Variants in ASTN1 observed in about 807,000 individuals in gnomAD.
ASTN1 encodes astrotactin-1.
ASTN1 carries 41 observed loss-of-function variants against 140.7 expected under a neutral mutation model. The observed-to-expected ratio is 0.29, with a 90% CI of 0.23 to 0.38. ASTN1 has a LOEUF of 0.38. Ranked by LOEUF, ASTN1 falls within the 10% of genes least tolerant of loss-of-function variation. The probability of loss-of-function intolerance (pLI) is 1.00; values close to 1 mark genes in which losing one functional copy is unlikely to be tolerated. For missense variants in ASTN1, 1,479 were observed against 1,678.8 expected, an observed-to-expected ratio of 0.88 and a Z score of 2.08; for synonymous variants, 640 against 652.2, an observed-to-expected ratio of 0.98 and a Z score of 0.29.
intron 1 of ASTN1, among the ~76,000 whole-genome samples, chr1:177,109,337 T>A (rs1361574499): frequency 6.6e-6 from 1 of 152,152 alleles, no homozygotes. Context: ...ATCATTGATG[T>A]TACATTTGTG....
rs147608948 is a variant in ASTN1 at position 176,882,886 on chromosome 1, C to T, written c.3335G>A (p.Arg1112Gln). The T allele has an allele frequency of 6.2e-6, 10 of 1,613,936 alleles. No individual in the cohort carries two copies. The highest frequency in any genetic ancestry group is 1.6e-4 in the Middle Eastern group (1 of 6,084). The part of the protein sequence containing the change: ...KQLTTISLII[R>Q]CLEPDTIYMF... The stretch of plus-strand genomic sequence containing the variant: ...GTAAATGGTGTCAGGTTCCAGGCAT[C>T]GTATGATCAGAGAGATGGTGGTGAG... Residue 1112 changes from arginine to glutamine, a missense_variant, in exon 20 of 23, where the codon CGA (arginine) becomes CAA (glutamine). By Grantham distance (43) the Arg-to-Gln change is conservative. Transcript: ENST00000361833.
chr1:177,145,669 AGTCAGTCT>A (rs1368204215), intron 1 of ASTN1, among the ~76,000 whole-genome samples: 1 of 152,232 alleles, frequency 6.6e-6, no homozygotes, highest in Admixed American at 6.5e-5. Flanking sequence ...TCATTCACTC[AGTCAGTCT>A]GTCAGTCAGT....
At chr1:177,055,991 C>A (rs1330709599) in intron 2 of ASTN1, among the ~76,000 whole-genome samples, 1 of 152,168 alleles carries the variant, frequency 6.6e-6, no homozygotes. Context: ...TGGAACTGCT[C>A]CTCTCTACAT....
In ASTN1 at chr1:176,921,900, G is replaced by A. The variant is rs185201297; in HGVS notation, c.2671+12252C>T. Among the ~76,000 whole-genome samples the A allele has an allele frequency of 3.9e-5, 6 of 152,250 alleles. No homozygotes were observed. The East Asian group carries it at 1.2e-3, about 29-fold the overall frequency. ...GGGGAGACACTCTCTTAAACAATAT[G>A]CTATCATTTCTAGGAAAGGGAAGAA... On this transcript the variant is annotated intron_variant, in intron 16 of 22. Coordinates refer to ENST00000361833, the MANE Select transcript of ASTN1 (RefSeq NM_004319.3).
chr1:177,113,469 C>A (rs1035573710), intron 1 of ASTN1, among the ~76,000 whole-genome samples: 1 of 152,196 alleles, frequency 6.6e-6, no homozygotes, highest in African/African-American at 2.4e-5. Context: ...ATACTGTCAT[C>A]CCCTTGACCT....
intron 17 of ASTN1, among the ~76,000 whole-genome samples, chr1:176,892,776 C>T (rs966113777): frequency 6.6e-6 from 1 of 152,174 alleles, no homozygotes; most frequent in African/African-American, 2.4e-5. Context: ...TGATTTGGCA[C>T]TCCTCTACTC....
At chr1:177,117,931 T>C (rs1471406668) in intron 1 of ASTN1, among the ~76,000 whole-genome samples, 3 of 152,262 alleles carry the variant, frequency 2.0e-5, no homozygotes, top group Non-Finnish European at 2.9e-5. Flanking sequence ...TGCCTGTTTA[T>C]GACATGTTTA....
chr1:177,080,112 T>C (rs1440471232), intron 1 of ASTN1, among the ~76,000 whole-genome samples: 1 of 152,122 alleles, frequency 6.6e-6, no homozygotes, highest in African/African-American at 2.4e-5. Flanking sequence ...AGCAACAATG[T>C]CAATTTTCAC....
chr1:177,073,101 A>G (rs558534668), intron 1 of ASTN1, among the ~76,000 whole-genome samples: 4 of 152,192 alleles, frequency 2.6e-5, no homozygotes, highest in Admixed American at 6.5e-5. Context: ...ACACAAAGAC[A>G]GAAATTAGGG....
intron 2 of ASTN1, among the ~76,000 whole-genome samples, chr1:177,053,722 C>A (rs1221768192): frequency 6.6e-6 from 1 of 152,158 alleles, no homozygotes; most frequent in Non-Finnish European, 1.5e-5. Flanking sequence ...TATGAAGAAG[C>A]TAAGTTCATT....
chr1:176,970,445 A>G (rs931497806), intron 8 of ASTN1, among the ~76,000 whole-genome samples: 1 of 152,104 alleles, frequency 6.6e-6, no homozygotes, highest in Non-Finnish European at 1.5e-5. Context: ...CCAGCTTTCC[A>G]CCTAACTGTG....
intron 1 of ASTN1, among the ~76,000 whole-genome samples, chr1:177,077,093 T>C (rs533193441): frequency 6.6e-5 from 10 of 152,300 alleles, no homozygotes; most frequent in African/African-American, 2.4e-4. Context: ...ATTTGTCATA[T>C]TAATGATGGA....
At chr1:177,003,765 T>C (rs1269797461) in intron 8 of ASTN1, among the ~76,000 whole-genome samples, 1 of 151,304 alleles carries the variant, frequency 6.6e-6, no homozygotes. Context: ...TGAGCCAAGA[T>C]TGCCCCACTG....
chr1:176,930,052 G>A (rs1333216577), intron 16 of ASTN1, among the ~76,000 whole-genome samples: 13 of 152,170 alleles, frequency 8.5e-5, no homozygotes, highest in Admixed American at 8.5e-4. Context: ...GAATGGAGTG[G>A]AGTGGCAGGA....
chr1:176,872,416 T>C (rs376285383), intron 21 of ASTN1, among the ~76,000 whole-genome samples: 2 of 152,094 alleles, frequency 1.3e-5, no homozygotes, highest in African/African-American at 4.8e-5. Context: ...AAGTAAAATA[T>C]AGTGTGTTCA....
intron 7 of ASTN1, among the ~76,000 whole-genome samples, chr1:177,018,930 G>A (rs1003280348): frequency 2.0e-5 from 3 of 152,208 alleles, no homozygotes; most frequent in African/African-American, 7.2e-5. Context: ...AGGCACACCT[G>A]GGGTTACAAA....
At chr1:176,871,990 A>G (rs1668364682) in intron 21 of ASTN1, among the ~76,000 whole-genome samples, 1 of 152,148 alleles carries the variant, frequency 6.6e-6, no homozygotes, top group Non-Finnish European at 1.5e-5. Context: ...GAGATCTCTC[A>G]GGCAGCCGGG....
rs144034394 is a variant in ASTN1, at chr1:177,043,056, T to G, written c.472-10207A>C. On this transcript the variant is annotated intron_variant, in intron 2 of 22. Transcript: ENST00000361833. ...GCCAAGGAGGGTCACACTTGTCAGG[T>G]TGTCATTTTGACACAGGCAGCAAAA... Among the ~76,000 whole-genome samples, 245 of 152,338 alleles carry G rather than the reference T, an allele frequency of 1.6e-3. 2 individuals are homozygous for G. Among genetic ancestry groups the G allele is most frequent in the African/African-American group, 5.7e-3 (237 of 41,566 alleles).
chr1:177,032,935 C>G (rs1676523023), intron 2 of ASTN1, 86 bp from the exon 3 acceptor site: 1 of 1,401,806 alleles, frequency 7.1e-7, no homozygotes, highest in Admixed American at 2.3e-5. Flanking sequence ...TACCACCATT[C>G]ATCACTTATT....
Sources: gnomAD v4.1 joint callset for allele counts (sites outside exome capture counted in the v4.1 genomes callset) on GRCh38, gnomAD v4.1.1 for gene constraint, MANE v1.5 for transcripts, NCBI Gene and HGNC (gene_info 2026-07-23, HGNC 2026-07-21) for gene names.